The following BLK variants were observed in gnomAD, a reference collection of about 807,000 sequenced individuals.
BLK encodes the protein BLK proto-oncogene, Src family tyrosine kinase, also known as tyrosine-protein kinase Blk.
A neutral mutation model predicts 61.8 loss-of-function variants in BLK; 64 were observed. That is an observed-to-expected ratio of 1.03 (90% CI 0.85 to 1.27). The LOEUF (loss-of-function observed/expected upper bound fraction) is 1.27, where lower values mean the gene tolerates loss of function less well. Among genes scored for constraint, BLK ranks in the 50% most tolerant of loss-of-function variants. The pLI is 0.00. For synonymous variants in BLK, 351 were observed against 272.0 expected (o/e 1.29, Z -2.86); for missense variants, 853 against 660.5 (o/e 1.29, Z -3.19).
intron 1 of BLK, among the ~76,000 whole-genome samples, chr8:11,539,324 C>T (rs941372932): frequency 6.6e-6 from 1 of 152,182 alleles, no homozygotes; most frequent in Non-Finnish European, 1.5e-5. Context: ...TTCCTCTTGA[C>T]CTCACTGGTG....
chr8:11,552,993 CAT>C (rs1442386138), intron 6 of BLK: 3 of 156,854 alleles, frequency 1.9e-5, no homozygotes, highest in African/African-American at 7.2e-5. Context: ...CATGCAAACA[CAT>C]ACACATGTCC....
rs1042689 is a variant in BLK at position 11,564,284 on chromosome 8, C to T, written c.*176C>T. 0.42 allele frequency: 327,649 copies of T among 779,138 alleles called. 76,725 individuals carry two copies. Among genetic ancestry groups the T allele is most frequent in the East Asian group, 0.92 (34,335 of 37,328 alleles). The allele number at this position is 779,138 out of a possible 1,614,324, so 48.3% of individuals were successfully genotyped here. On this transcript the variant is annotated 3_prime_UTR_variant, in exon 13 of 13. Transcript: ENST00000259089. The stretch of plus-strand genomic sequence containing the variant: ...CCCGGACGGACTCCTTCACCGACTG[C>T]ACCCCCGGGCGAGTTACGCGGCCTC...
chr8:11,532,057 C>T (rs1799907283), intron 1 of BLK, among the ~76,000 whole-genome samples: 1 of 152,120 alleles, frequency 6.6e-6, no homozygotes, highest in East Asian at 1.9e-4. Flanking sequence ...TGGGGTTTCA[C>T]CATGTTGGCC....
intron 1 of BLK, among the ~76,000 whole-genome samples, chr8:11,518,986 G>T (rs1759538867): frequency 6.6e-6 from 1 of 152,114 alleles, no homozygotes; most frequent in Non-Finnish European, 1.5e-5. Context: ...CCTGTGCGAT[G>T]ATTCTGTCCC....
chr8:11,550,038 C>A, intron 5 of BLK, 121 bp from the exon 6 acceptor site: 1 of 905,048 alleles, frequency 1.1e-6, no homozygotes, highest in Non-Finnish European at 1.8e-6. Context: ...TCAGGGCCGA[C>A]TGGGACCAGA....
At chr8:11,516,115 C>A (rs1290911471) in intron 1 of BLK, among the ~76,000 whole-genome samples, 3 of 152,246 alleles carry the variant, frequency 2.0e-5, no homozygotes, top group Admixed American at 2.0e-4. Flanking sequence ...CATACTGCTA[C>A]ATGGATGAAC....
intron 2 of BLK, 120 bp downstream of exon 2, chr8:11,543,467 A>T: frequency 7.3e-7 from 1 of 1,369,936 alleles, no homozygotes; most frequent in Non-Finnish European, 1.0e-6. Flanking sequence ...ACGATCTGCA[A>T]TGTATAAGCA....
chr8:11,544,549 G>A (rs953581502), intron 2 of BLK, among the ~76,000 whole-genome samples: 1 of 152,110 alleles, frequency 6.6e-6, no homozygotes, highest in Non-Finnish European at 1.5e-5. Context: ...TGATCAAATG[G>A]GGAAACTTGG....
At chr8:11,547,422 G>T (rs375319070) in intron 3 of BLK, among the ~76,000 whole-genome samples, 34 of 152,312 alleles carry the variant, frequency 2.2e-4, no homozygotes, top group African/African-American at 7.9e-4. Context: ...GTCACAGCAG[G>T]GCTCACTTGA....
intron 1 of BLK, among the ~76,000 whole-genome samples, chr8:11,498,538 G>C (rs1017253135): frequency 1.3e-5 from 2 of 152,178 alleles, no homozygotes; most frequent in African/African-American, 4.8e-5. Flanking sequence ...TGAGGAAGTG[G>C]AAAGGACTTG....
chr8:11,504,941 C>A (rs557937715), intron 1 of BLK, among the ~76,000 whole-genome samples: 1 of 152,334 alleles, frequency 6.6e-6, no homozygotes, highest in East Asian at 1.9e-4. Context: ...TACACACAAA[C>A]ACACATGCAC....
At chr8:11,522,092 G>T (rs989010088) in intron 1 of BLK, among the ~76,000 whole-genome samples, 3 of 151,902 alleles carry the variant, frequency 2.0e-5, no homozygotes, top group Non-Finnish European at 2.9e-5. Context: ...CTTTAACATC[G>T]TTCAGTAAAG....
At chr8:11,518,586 C>G (rs1355644922) in intron 1 of BLK, among the ~76,000 whole-genome samples, 1 of 152,134 alleles carries the variant, frequency 6.6e-6, no homozygotes, top group East Asian at 1.9e-4. Context: ...ATGGCCACCT[C>G]TCACCGATCT....
chr8:11,537,800 T>A (rs560403201), intron 1 of BLK, among the ~76,000 whole-genome samples: 1 of 152,186 alleles, frequency 6.6e-6, no homozygotes, highest in Non-Finnish European at 1.5e-5. Context: ...CAAGTGCAAA[T>A]AAGGGGTTTC....
At chr8:11,497,350 T>G (rs1798397517) in intron 1 of BLK, among the ~76,000 whole-genome samples, 2 of 152,156 alleles carry the variant, frequency 1.3e-5, no homozygotes, top group African/African-American at 4.8e-5. Context: ...GGCGTGCTCC[T>G]GCTTGCCTGA....
intron 1 of BLK, among the ~76,000 whole-genome samples, chr8:11,511,405 G>T (rs372394743): frequency 6.6e-6 from 1 of 150,922 alleles, no homozygotes; most frequent in East Asian, 1.9e-4. Context: ...TAACAAACCT[G>T]TATGTTGTGC....
intron 4 of BLK, among the ~76,000 whole-genome samples, chr8:11,548,365 C>A (rs1800741970): frequency 6.6e-6 from 1 of 152,222 alleles, no homozygotes; most frequent in South Asian, 2.1e-4. Flanking sequence ...ACGTTCCATG[C>A]CACCGCCTCC....
At chr8:11,520,165 GA>G (rs1284565458) in intron 1 of BLK, among the ~76,000 whole-genome samples, 1 of 152,076 alleles carries the variant, frequency 6.6e-6, no homozygotes, top group Non-Finnish European at 1.5e-5. Context: ...ATTCCACTGT[GA>G]AAAGACAACT....
At chr8:11,507,691 A>C (rs1218275572) in intron 1 of BLK, among the ~76,000 whole-genome samples, 1 of 152,176 alleles carries the variant, frequency 6.6e-6, no homozygotes, top group East Asian at 1.9e-4. Context: ...CATACAGCTC[A>C]GTGGGTGCCA....
Sources: allele counts gnomAD v4.1 joint callset (sites outside exome capture counted in the v4.1 genomes callset), GRCh38; gene constraint gnomAD v4.1.1; transcripts MANE v1.5; gene names NCBI Gene and HGNC (gene_info 2026-07-23, HGNC 2026-07-21).